SETBP1: variants seen among roughly 807,000 people sequenced by gnomAD.
The protein encoded by SETBP1 is SET-binding protein.
SETBP1 carries 9 observed loss-of-function variants against 101.0 expected under a neutral mutation model. The observed-to-expected ratio is 0.09, with a 90% confidence interval of 0.05 to 0.16. SETBP1 has a LOEUF of 0.16. Among genes scored for constraint, SETBP1 ranks in the 10% least tolerant of loss-of-function variants. The pLI is 1.00. For missense variants in SETBP1, 1,858 were observed against 2,033.8 expected, an observed-to-expected ratio of 0.91 and a Z score of 1.66; for synonymous variants, 818 against 788.5, an observed-to-expected ratio of 1.04 and a Z score of -0.63.
chr18:44,986,455 C>A (rs2072235983), intron 4 of SETBP1: 2 of 152,082 alleles, frequency 1.3e-5, no homozygotes, highest in Admixed American at 6.5e-5. Context: ...AAAAAAATTT[C>A]TTTCTTCATT....
rs1312164814 is a variant in SETBP1, at chr18:45,063,546, AC to A, written c.4645del (p.Arg1549GlufsTer31). The A allele has an allele frequency of 7.5e-7, 1 of 1,336,258 alleles. No homozygotes were observed. Among genetic ancestry groups the A allele is most frequent in the Admixed American group, 2.3e-5 (1 of 44,016 alleles). The allele number at this position is 1,336,258 out of a possible 1,614,324, so 82.8% of individuals were successfully genotyped here. On this transcript the variant is annotated frameshift_variant, in exon 6 of 6. Transcript: ENST00000649279. LOFTEE classifies it high-confidence loss of function. Reference protein sequence around the residue: ...PLPPPPPLPKTPRGGKRKHKP... With the variant: ...PLPPPPPLPKXPRGGKRKHKP... ...GCCCCCGCCACCCCCTCTACCCAAG[AC>A]CCCCCGAGGCGGAAAGAGGAAACAC... is the stretch of plus-strand genomic sequence containing the variant.
Position 44,894,427 on chromosome 18 carries a change from A to G in SETBP1, c.540+25144A>G, listed in dbSNP as rs554781732. 2.0e-5 allele frequency among the ~76,000 whole-genome samples: 3 copies of G among 152,084 alleles called. No individual in the cohort carries two copies. In the East Asian group the frequency reaches 5.8e-4, roughly 30 times the overall value. ...TTTTTTTTCACCCTTCTATGTAGCAATGTCCTTAATTGAGGTAGTAATATT... is the reference window on the plus strand; with the variant it reads ...TTTTTTTTCACCCTTCTATGTAGCAGTGTCCTTAATTGAGGTAGTAATATT... On this transcript the variant is annotated intron_variant, in intron 3 of 5. Transcript: ENST00000649279.
At position 44,951,519 on chromosome 18, in the gene SETBP1, C is replaced by A. The variant is rs763907430; in HGVS notation, c.2179C>A (p.Arg727=). Residue 727 remains arginine (R), a synonymous_variant, in exon 4 of 6, where the codon CGG becomes AGG. Coordinates refer to ENST00000649279, the MANE Select transcript of SETBP1 (RefSeq NM_015559.3). This position sits in a 1 kb window ranked among gnomAD's most constrained non-coding sequence, Gnocchi z 7.8. ...GGGAACCATCTACATTGGCAAGAAG[C>A]GGGGCAGGAAGCCAAGAGCAGAGCT... ...KRGTIYIGKK[R]GRKPRAELPP... 3.7e-6 allele frequency: 6 copies of A among 1,614,054 alleles called. No individual in the cohort carries two copies. In the Admixed American group the frequency reaches 1.0e-4, roughly 27 times the overall value.
upstream of SETBP1, chr18:44,680,209 C>T (rs1391602895): frequency 6.9e-6 from 1 of 144,992 alleles, no homozygotes; most frequent in African/African-American, 2.5e-5. Flanking sequence ...CCGCTCGCCG[C>T]CGCCTCCGCG....
intron 3 of SETBP1, among the ~76,000 whole-genome samples, chr18:44,911,128 G>A (rs1350641891): frequency 6.6e-6 from 1 of 152,160 alleles, no homozygotes; most frequent in Non-Finnish European, 1.5e-5. Flanking sequence ...GAGTGGGGGA[G>A]GGAGGATCCC....
intron 2 of SETBP1, among the ~76,000 whole-genome samples, chr18:44,726,048 A>G (rs964823964): frequency 6.6e-6 from 1 of 152,184 alleles, no homozygotes; most frequent in African/African-American, 2.4e-5. Context: ...GACCTTGAGT[A>G]GATCTCTAAA....
chr18:44,940,837 T>A (rs1249055100), intron 3 of SETBP1, among the ~76,000 whole-genome samples: 1 of 152,116 alleles, frequency 6.6e-6, no homozygotes, highest in African/African-American at 2.4e-5. Context: ...TAGATCTCAG[T>A]TTCCATCTGG....
intron 4 of SETBP1, among the ~76,000 whole-genome samples, chr18:45,033,387 G>A (rs2073336316): frequency 6.6e-6 from 1 of 152,292 alleles, no homozygotes; most frequent in East Asian, 1.9e-4. Context: ...TCGTAAATTA[G>A]GAGTTTTACC....
intron 3 of SETBP1, among the ~76,000 whole-genome samples, chr18:44,896,748 A>G (rs1194034772): frequency 4.6e-5 from 7 of 152,072 alleles, no homozygotes; most frequent in Non-Finnish European, 5.9e-5. Context: ...GTGAGCCACC[A>G]CACCCAGCCC....
chr18:44,736,940 CTT>C (rs2069982640), intron 2 of SETBP1, among the ~76,000 whole-genome samples: 1 of 152,242 alleles, frequency 6.6e-6, no homozygotes, highest in African/African-American at 2.4e-5. Context: ...CTCTCTCTCT[CTT>C]ACACACTTCA....
chr18:44,902,033 C>T (rs2070058994), intron 3 of SETBP1, among the ~76,000 whole-genome samples: 1 of 152,050 alleles, frequency 6.6e-6, no homozygotes, highest in Admixed American at 6.6e-5. Context: ...AGCCAGTAGC[C>T]ACATGTGGCT....
In SETBP1 at chr18:44,953,196, C is replaced by T. The variant is rs150224800; in HGVS notation, c.3856C>T (p.Pro1286Ser). ...ENLDVFSEMN[P>S]SNDKWDSDVS... The stretch of plus-strand genomic sequence containing the variant: ...CCTGGACGTGTTCAGTGAAATGAAC[C>T]CTTCGAATGACAAGTGGGACAGTGA... The change falls in exon 4 of 6, where the codon CCT (proline) becomes TCT (serine). Residue 1286 changes from proline (P) to serine (S), a missense_variant. This residue lies in a region of SETBP1 where 417 missense variants were observed against 389.1 expected (regional missense o/e 1.07). Transcript: ENST00000649279. 1 of 1,613,994 alleles carries T rather than the reference C, an allele frequency of 6.2e-7. No individual in the cohort carries two copies. Among genetic ancestry groups the T allele is most frequent in the Non-Finnish European group, 8.5e-7 (1 of 1,180,020 alleles).
At chr18:44,771,979 C>G (rs2070884917) in intron 2 of SETBP1, among the ~76,000 whole-genome samples, 1 of 152,232 alleles carries the variant, frequency 6.6e-6, no homozygotes, top group African/African-American at 2.4e-5. Context: ...CTCTTGATAC[C>G]TTGCCTCCCC....
chr18:44,699,662 T>C (rs779729552), intron 1 of SETBP1, among the ~76,000 whole-genome samples: 3 of 152,202 alleles, frequency 2.0e-5, no homozygotes, highest in Non-Finnish European at 4.4e-5. Context: ...TCAGAAAAGC[T>C]GTATTCGTTG....
At chr18:44,698,802 G>C (rs2144177654) in intron 1 of SETBP1, among the ~76,000 whole-genome samples, 1 of 152,252 alleles carries the variant, frequency 6.6e-6, no homozygotes, top group South Asian at 2.1e-4. Flanking sequence ...GAAAAAGATT[G>C]TGTTTTCCTT....
At chr18:44,995,829 G>A (rs562339339) in intron 4 of SETBP1, among the ~76,000 whole-genome samples, 8 of 152,216 alleles carry the variant, frequency 5.3e-5, no homozygotes, top group African/African-American at 1.7e-4. Context: ...AGCGCTTGTT[G>A]TATTATATAG....
chr18:44,802,171 G>C (rs536354499), intron 2 of SETBP1, among the ~76,000 whole-genome samples: 1 of 152,228 alleles, frequency 6.6e-6, no homozygotes, highest in African/African-American at 2.4e-5. Flanking sequence ...TTGCATCAAT[G>C]TCACTGGCCC....
chr18:44,938,108 A>T (rs1173050847), intron 3 of SETBP1, among the ~76,000 whole-genome samples: 1 of 152,134 alleles, frequency 6.6e-6, no homozygotes, highest in African/African-American at 2.4e-5. Flanking sequence ...GGCAGACACC[A>T]TGGTCAGGAC....
chr18:45,045,803 G>T (rs989024108), intron 5 of SETBP1, among the ~76,000 whole-genome samples: 3 of 152,080 alleles, frequency 2.0e-5, no homozygotes, highest in Admixed American at 6.5e-5. Context: ...GTTTAGCAAA[G>T]TACCTGACAC....
Sources: allele counts gnomAD v4.1 joint callset (sites outside exome capture counted in the v4.1 genomes callset), GRCh38; gene constraint gnomAD v4.1.1; regional missense constraint gnomAD v4.1.1; non-coding constraint Gnocchi (gnomAD v3.1); transcripts MANE v1.5; gene names NCBI Gene and HGNC (gene_info 2026-07-23, HGNC 2026-07-21).